TPTE: variants seen among roughly 807,000 people sequenced by gnomAD.
TPTE encodes the protein putative tyrosine-protein phosphatase TPTE.
Under a neutral mutation model 84.1 loss-of-function variants are expected in TPTE, and 59 were observed. The observed-to-expected ratio is 0.70, with a 90% CI of 0.57 to 0.87. The LOEUF is 0.87. Among genes scored for constraint, TPTE ranks in the 40% least tolerant of loss-of-function variants. The probability of loss-of-function intolerance (pLI) is 0.00; values close to 1 mark genes in which losing one functional copy is unlikely to be tolerated. For synonymous variants in TPTE, 130 were observed against 223.5 expected (o/e 0.58, Z 3.73); for missense variants, 382 against 659.6 (o/e 0.58, Z 4.61).
chr21:10,533,081 A>G (rs2145592479), intron 3 of TPTE, among the ~76,000 whole-genome samples: 1 of 152,424 alleles, frequency 6.6e-6, no homozygotes, highest in African/African-American at 2.4e-5. Flanking sequence ...AGATTTCCAT[A>G]TTCTAGATGT....
chr21:10,541,533 C>T (rs1392216079), intron 5 of TPTE, among the ~76,000 whole-genome samples: 17 of 152,374 alleles, frequency 1.1e-4, no homozygotes, highest in African/African-American at 2.9e-4. Context: ...AGAAAGAGAC[C>T]GAGATTAGTG....
At chr21:10,521,762 G>GT (rs1280076492) in intron 1 of TPTE, 68 bp downstream of exon 1, 1 of 152,652 alleles carries the variant, frequency 6.6e-6, no homozygotes, top group African/African-American at 2.4e-5. Flanking sequence ...GTTGGGGGGG[G>GT]GTCTTGGAGG....
chr21:10,603,780 TCTTA>T, intron 23 of TPTE, 148 bp downstream of exon 23: 1 of 1,073,720 alleles, frequency 9.3e-7, no homozygotes, highest in East Asian at 2.6e-5. Flanking sequence ...GCCTTACTCT[TCTTA>T]CTTTGGTTAT....
At chr21:10,540,072 T>C (rs2074340041) in intron 4 of TPTE, among the ~76,000 whole-genome samples, 1 of 152,308 alleles carries the variant, frequency 6.6e-6, no homozygotes, top group Non-Finnish European at 1.5e-5. Context: ...ATTGGAATTA[T>C]TTTGAACTGA....
intron 19 of TPTE, among the ~76,000 whole-genome samples, chr21:10,593,863 A>G (rs867169447): frequency 1.9e-3 from 291 of 151,550 alleles, no homozygotes; most frequent in African/African-American, 5.6e-3. Context: ...AGCTGAGTAG[A>G]AGAACTCTCT....
chr21:10,559,356 A>C (rs1205739195), intron 8 of TPTE, 138 bp from the exon 9 acceptor site: 6 of 1,267,660 alleles, frequency 4.7e-6, no homozygotes, highest in Non-Finnish European at 5.4e-6. Context: ...TTTAGCTATT[A>C]GTAAAAAGCA....
At chr21:10,524,883 G>A (rs1043745065) in intron 2 of TPTE, among the ~76,000 whole-genome samples, 195 bp downstream of exon 2, 5 of 152,424 alleles carry the variant, frequency 3.3e-5, no homozygotes, top group Non-Finnish European at 7.3e-5. Flanking sequence ...GCTGTTGTCT[G>A]TGACCCAGCA....
At chr21:10,562,408 C>G (rs1427720572) in intron 10 of TPTE, among the ~76,000 whole-genome samples, 1 of 152,306 alleles carries the variant, frequency 6.6e-6, no homozygotes, top group African/African-American at 2.4e-5. Context: ...ACCAAATGAA[C>G]TAAATAAGAC....
chr21:10,587,252 C>T (rs796283340), intron 17 of TPTE, among the ~76,000 whole-genome samples: 1,194 of 150,300 alleles, frequency 7.9e-3, no homozygotes, highest in South Asian at 0.043. Flanking sequence ...TTTGGAAGTG[C>T]ATATACAGGT....
At chr21:10,530,278 G>A (rs889201635) in intron 3 of TPTE, among the ~76,000 whole-genome samples, 8 of 152,300 alleles carry the variant, frequency 5.3e-5, no homozygotes, top group African/African-American at 1.9e-4. Flanking sequence ...CTACTTGTAG[G>A]CCTTTTTAAT....
chr21:10,576,840 T>TATAC (rs2075163095), intron 14 of TPTE, among the ~76,000 whole-genome samples: 1 of 1,774 alleles, frequency 5.6e-4, no homozygotes, highest in East Asian at 0.1. Context: ...CATATATACA[T>TATAC]ATATATATAT....
At chr21:10,579,753 T>A (rs929969511) in intron 17 of TPTE, among the ~76,000 whole-genome samples, 1 of 152,312 alleles carries the variant, frequency 6.6e-6, no homozygotes, top group African/African-American at 2.4e-5. Flanking sequence ...TAATTATATA[T>A]ACCATATATT....
chr21:10,566,533 A>G (rs117144955), intron 10 of TPTE, among the ~76,000 whole-genome samples: 2,362 of 151,434 alleles, frequency 0.016, no homozygotes, highest in East Asian at 0.15. Flanking sequence ...GGAAATCACT[A>G]TATAGAAGAG....
chr21:10,601,891 C>A (rs2145807024), intron 21 of TPTE, among the ~76,000 whole-genome samples, 167 bp from the exon 22 acceptor site: 1 of 152,430 alleles, frequency 6.6e-6, no homozygotes, highest in South Asian at 2.1e-4. Flanking sequence ...GCATAAACAA[C>A]AGTATTGCAA....
At chr21:10,591,063 TG>T (rs1460987028) in intron 18 of TPTE, among the ~76,000 whole-genome samples, 3 of 152,304 alleles carry the variant, frequency 2.0e-5, no homozygotes, top group African/African-American at 7.2e-5. Flanking sequence ...CAAAGAGCCT[TG>T]CCCATCCTCA....
intron 10 of TPTE, among the ~76,000 whole-genome samples, chr21:10,564,371 G>A (rs577099817): frequency 9.2e-5 from 14 of 152,304 alleles, no homozygotes; most frequent in Non-Finnish European, 1.6e-4. Context: ...TTAGCTGGGT[G>A]TGGTGCCGGG....
intron 7 of TPTE, among the ~76,000 whole-genome samples, chr21:10,543,919 G>A (rs1430083776): frequency 2.0e-5 from 3 of 152,296 alleles, no homozygotes; most frequent in African/African-American, 2.4e-5. Context: ...CCACACACTC[G>A]AGAGCTCTGT....
chr21:10,567,420 T>C (rs1271244404), intron 10 of TPTE, among the ~76,000 whole-genome samples: 1 of 132,008 alleles, frequency 7.6e-6, no homozygotes, highest in Non-Finnish European at 1.7e-5. Context: ...GTTATATCTC[T>C]TATTATGTTT....
At chr21:10,588,988 T>G (rs1246788184) in intron 17 of TPTE, among the ~76,000 whole-genome samples, 3 of 152,308 alleles carry the variant, frequency 2.0e-5, no homozygotes, top group Non-Finnish European at 2.9e-5. Context: ...AATTGTTTAT[T>G]GTCATCTCTG....
Sources: allele counts gnomAD v4.1 joint callset (sites outside exome capture counted in the v4.1 genomes callset), GRCh38; gene constraint gnomAD v4.1.1; transcripts MANE v1.5; gene names NCBI Gene and HGNC (gene_info 2026-07-23, HGNC 2026-07-21).